Variants in SACS observed in about 807,000 individuals in gnomAD.
The protein encoded by SACS is sacsin molecular chaperone, also known as sacsin.
In SACS, 197 loss-of-function variants were observed where a neutral mutation model predicts 348.0. That is an observed-to-expected ratio of 0.57 (90% confidence interval 0.50 to 0.64). The LOEUF is 0.64. Ranked by LOEUF, SACS falls within the 30% of genes least tolerant of loss-of-function variation. The pLI is 0.00. For synonymous variants in SACS, 1,985 were observed against 1,910.6 expected (o/e 1.04, Z -1.02); for missense variants, 4,999 against 5,360.8 (o/e 0.93, Z 2.11).
At chr13:23,387,327 C>T (rs1438078934) in intron 2 of SACS, among the ~76,000 whole-genome samples, 3 of 151,982 alleles carry the variant, frequency 2.0e-5, no homozygotes, top group East Asian at 3.9e-4. Flanking sequence ...CCGGGCATGG[C>T]GGCGGGCAAC....
intron 9 of SACS, among the ~76,000 whole-genome samples, chr13:23,347,525 C>G (rs113387333): frequency 7.6e-4 from 116 of 152,250 alleles, no homozygotes; most frequent in African/African-American, 2.6e-3. Flanking sequence ...CTCAATTCTT[C>G]TCATCTTAAC....
intron 4 of SACS, 77 bp downstream of exon 4, chr13:23,371,001 C>T: frequency 1.0e-6 from 1 of 977,852 alleles, no homozygotes; most frequent in Non-Finnish European, 1.6e-6. Flanking sequence ...CAAAAACCAA[C>T]CAAACAAACA....
At position 23,335,367 on chromosome 13, in the gene SACS, T is replaced by C. The variant is rs142358701; in HGVS notation, c.8509A>G (p.Ile2837Val). The C allele has an allele frequency of 2.5e-6, 4 of 1,613,814 alleles. No homozygotes were observed. Among genetic ancestry groups the C allele is most frequent in the African/African-American group, 1.3e-5 (1 of 74,920 alleles). ...SSMEKVSKSV[I>V]SAHKNQDITL... Reference sequence around the variant, plus strand: ...ATATCTTGGTTCTTGTGAGCTGATATGACACTTTTAGATACTTTCTCCATA... The same window carrying C: ...ATATCTTGGTTCTTGTGAGCTGATACGACACTTTTAGATACTTTCTCCATA... Residue 2837 changes from isoleucine to valine, a missense_variant, in exon 10 of 10, where the codon ATA (isoleucine) becomes GTA (valine). Ile to Val is a conservative substitution (Grantham distance 29). Around this residue, in one of 6 missense-constraint regions of SACS, gnomAD observed 3,156 missense variants for 3,380.1 expected, o/e 0.93. Coordinates refer to ENST00000382292, the MANE Select transcript of SACS (RefSeq NM_014363.6). This position sits in a 1 kb window ranked among gnomAD's most constrained non-coding sequence, Gnocchi z 4.7.
intron 5 of SACS, among the ~76,000 whole-genome samples, chr13:23,365,557 G>A (rs911522534): frequency 1.3e-5 from 2 of 151,964 alleles, no homozygotes; most frequent in Non-Finnish European, 2.9e-5. Context: ...ATTTATAACT[G>A]TCTCATATTT....
At chr13:23,421,000 TC>T (rs1873916824) in intron 1 of SACS, among the ~76,000 whole-genome samples, 1 of 152,144 alleles carries the variant, frequency 6.6e-6, no homozygotes, top group African/African-American at 2.4e-5. Flanking sequence ...GTCCTGGGTA[TC>T]CTCCTGGCAC....
At chr13:23,363,169 A>C (rs1396038679) in intron 6 of SACS, among the ~76,000 whole-genome samples, 1 of 151,718 alleles carries the variant, frequency 6.6e-6, no homozygotes, top group Admixed American at 6.6e-5. Flanking sequence ...TCAGCCTCCC[A>C]AAGTGCTGGG....
rs772041823 is a variant in SACS at position 23,333,121 on chromosome 13, G to A, written c.10755C>T (p.Phe3585=). ...TGTATTTTAGTCCAATATTTCTTAA[G>A]AATTCCACCCAGGATGTCATAAATG... ...HVTFMTSWVE[F]LRNIGLKYIL... The change falls in exon 10 of 10, where the codon TTC becomes TTT. Residue 3585 remains phenylalanine (F), a synonymous_variant. Transcript: ENST00000382292. 2.6e-5 allele frequency: 42 copies of A among 1,613,432 alleles called. No homozygotes were observed. The Middle Eastern group carries it at 4.9e-4, about 19-fold the overall frequency.
intron 2 of SACS, among the ~76,000 whole-genome samples, chr13:23,391,260 G>A (rs1162896396): frequency 1.4e-4 from 21 of 152,208 alleles, no homozygotes. Context: ...TCAGGCAAAG[G>A]ATTACTGTCA....
chr13:23,373,770 C>A, intron 3 of SACS: 1 of 131,176 alleles, frequency 7.6e-6, no homozygotes, highest in Non-Finnish European at 1.5e-5. Context: ...GCACTCCAGC[C>A]TGGCGACAGA....
chr13:23,364,908 T>C (rs1870967903), intron 6 of SACS, among the ~76,000 whole-genome samples: 3 of 152,228 alleles, frequency 2.0e-5, no homozygotes, highest in Non-Finnish European at 4.4e-5. Context: ...AAATACAAGT[T>C]GTTTGAATAG....
chr13:23,426,789 CAAATCAGA>C (rs1874201919), intron 1 of SACS, among the ~76,000 whole-genome samples: 1 of 152,142 alleles, frequency 6.6e-6, no homozygotes, highest in East Asian at 1.9e-4. Flanking sequence ...CCAACGGAGG[CAAATCAGA>C]TATGCATCTA....
In SACS at chr13:23,330,352, T is replaced by A. The variant is rs751573555; in HGVS notation, c.13524A>T (p.Lys4508Asn). 6.2e-7 allele frequency: 1 copy of A among 1,614,198 alleles called. No individual in the cohort carries two copies. Among genetic ancestry groups the A allele is most frequent in the Admixed American group, 1.7e-5 (1 of 60,032 alleles). The change falls in exon 10 of 10, where the codon AAA becomes AAT. Residue 4508 changes from lysine to asparagine, a missense_variant. Around this residue, in one of 6 missense-constraint regions of SACS, gnomAD observed 254 missense variants for 275.1 expected, o/e 0.92. Coordinates refer to ENST00000382292, the MANE Select transcript of SACS (RefSeq NM_014363.6). Reference sequence around the variant, plus strand: ...CAAGTTGCTGACTATATTCCTCTATTTTCTGAGCAAGTGCAGTTGGTTTTA... The same window carrying A: ...CAAGTTGCTGACTATATTCCTCTATATTCTGAGCAAGTGCAGTTGGTTTTA... ...KDVKPTALAQ[K>N]IEEYSQQLEG... is the part of the protein sequence containing the mutation.
chr13:23,333,617 T>C lies in SACS; in HGVS notation c.10259A>G (p.Tyr3420Cys). The change falls in exon 10 of 10, where the codon TAT (tyrosine) becomes TGT (cysteine). Residue 3420 changes from tyrosine to cysteine, a missense_variant. By Grantham distance (194) the Tyr-to-Cys change is radical. This residue lies in a region of SACS where 734 missense variants were observed against 694.0 expected (regional missense o/e 1.06). Transcript: ENST00000382292. ...TGTTCCAAATTTTCCAATGCTTACA[T>C]AGCGGCCACTGATGGATTTATAGCA... ...LPCYKSISGR[Y>C]VSIGKFGTCY... is the part of the protein sequence containing the mutation. The C allele has an allele frequency of 1.2e-6, 2 of 1,613,816 alleles. No individual in the cohort carries two copies. Among genetic ancestry groups the C allele is most frequent in the Non-Finnish European group, 1.7e-6 (2 of 1,179,760 alleles).
chr13:23,368,983 G>A (rs565833407), intron 4 of SACS, among the ~76,000 whole-genome samples: 2 of 152,272 alleles, frequency 1.3e-5, no homozygotes, highest in East Asian at 3.9e-4. Context: ...CCAGGCGTGA[G>A]CCACCATGCC....
chr13:23,335,940 A>G lies in SACS; in HGVS notation c.7936T>C (p.Cys2646Arg). Residue 2646 changes from cysteine (C) to arginine (R), a missense_variant, in exon 10 of 10, where the codon TGT becomes CGT. By Grantham distance (180) the Cys-to-Arg change is radical. Transcript: ENST00000382292. The surrounding 1 kb of genome is among the most constrained non-coding windows in gnomAD (Gnocchi z 4.7). ...TATCTGGCATGAGGATCAAAAATAC[A>G]CAGGATGTCATTGCCAGAAATAAAA... ...PSFISGNDIL[C>R]IFDPHARYAP... The G allele has an allele frequency of 6.2e-7, 1 of 1,612,710 alleles. No homozygotes were observed. The highest frequency in any genetic ancestry group is 8.5e-7 in the Non-Finnish European group (1 of 1,178,828).
rs532251517 is a variant in SACS, at chr13:23,349,808, C to G, written c.2185+3977G>C. Among the ~76,000 whole-genome samples, 8 of 152,270 alleles carry G rather than the reference C, an allele frequency of 5.3e-5. No homozygotes were observed. The South Asian group carries it at 1.2e-3, about 24-fold the overall frequency. On this transcript the variant is annotated intron_variant, in intron 9 of 9. Transcript: ENST00000382292. Reference sequence around the variant, plus strand: ...GCTCAGAGAGGGTAGAAAATTTGTTCAAAGTCACACAATAGAGGAGTGAAG... The same window carrying G: ...GCTCAGAGAGGGTAGAAAATTTGTTGAAAGTCACACAATAGAGGAGTGAAG...
intron 2 of SACS, among the ~76,000 whole-genome samples, chr13:23,377,987 G>A (rs758957665): frequency 6.6e-6 from 1 of 152,216 alleles, no homozygotes; most frequent in Admixed American, 6.5e-5. Flanking sequence ...TTCTCTTTGT[G>A]CTCAGGTAGA....
Position 23,355,496 on chromosome 13 carries a change from T to C in SACS, c.1116A>G (p.Thr372=), listed in dbSNP as rs964104211. ...KTPSNNITCV[T]YHVNIVLEEE... is the part of the protein sequence containing the mutation. ...CTTCTAAAACAATATTTACGTGATA[T>C]GTTACACAGGTGATGTTATTGCTTG... The change falls in exon 8 of 10, where the codon ACA becomes ACG. Residue 372 remains threonine (T), a synonymous_variant. Coordinates refer to ENST00000382292, the MANE Select transcript of SACS (RefSeq NM_014363.6). 3.2e-5 allele frequency: 51 copies of C among 1,614,036 alleles called. No individual in the cohort carries two copies. In the East Asian group the frequency reaches 1.1e-3, roughly 36 times the overall value.
rs1870322643 is a variant in SACS, at chr13:23,355,628, T to C, written c.984A>G (p.Lys328=). Residue 328 remains lysine, a synonymous_variant, in exon 8 of 10, where the codon AAA becomes AAG. Coordinates refer to ENST00000382292, the MANE Select transcript of SACS (RefSeq NM_014363.6). ...LYVREADGTE[K]LVFRVTSSES... is the part of the protein sequence containing the mutation. ...CACTCGAAGTCACTCTAAACACCAG[T>C]TTCTCTGTTCCGTCAGCCTCTCGGA... 1.9e-6 allele frequency: 3 copies of C among 1,614,052 alleles called. No homozygotes were observed. The African/African-American group carries it at 4.0e-5, about 22-fold the overall frequency.
Sources: allele counts gnomAD v4.1 joint callset (sites outside exome capture counted in the v4.1 genomes callset), GRCh38; gene constraint gnomAD v4.1.1; regional missense constraint gnomAD v4.1.1; non-coding constraint Gnocchi (gnomAD v3.1); transcripts MANE v1.5; gene names NCBI Gene and HGNC (gene_info 2026-07-23, HGNC 2026-07-21).